The following ARGLU1 variants were observed in gnomAD, a reference collection of about 807,000 sequenced individuals.
The protein encoded by ARGLU1 is arginine and glutamate-rich protein 1.
Under a neutral mutation model 37.6 loss-of-function variants are expected in ARGLU1, and 9 were observed. That is an observed-to-expected ratio of 0.24 (90% CI 0.14 to 0.42). The LOEUF (loss-of-function observed/expected upper bound fraction) is 0.42. Among genes scored for constraint, ARGLU1 ranks in the 10% least tolerant of loss-of-function variants. The pLI, the probability that ARGLU1 is intolerant of heterozygous loss-of-function variation, is 1.00. For missense variants in ARGLU1, 211 were observed against 359.2 expected (o/e 0.59, Z 3.34); for synonymous variants, 166 against 138.5 (o/e 1.20, Z -1.39).
At chr13:106,562,302 C>T (rs151038422) in intron 1 of ARGLU1, among the ~76,000 whole-genome samples, 45 of 152,324 alleles carry the variant, frequency 3.0e-4, no homozygotes, top group Middle Eastern at 3.4e-3. Flanking sequence ...TTTATCCCCT[C>T]ACCATACACT....
Position 106,557,707 on chromosome 13 carries a change from G to A in ARGLU1, c.574-576C>T, listed in dbSNP as rs905223071. 2 of 1,499,408 alleles carry A rather than the reference G, an allele frequency of 1.3e-6. No homozygotes were observed. The highest frequency in any genetic ancestry group is 1.8e-6 in the Non-Finnish European group (2 of 1,117,534). 92.9% of individuals were successfully genotyped at this position (1,499,408 alleles called of 1,614,324 possible). A position where few individuals can be genotyped will look rare whatever the true frequency, so the allele number is the denominator to read the frequency against. On this transcript the variant is annotated intron_variant, in intron 2 of 3. Transcript: ENST00000400198. The surrounding 1 kb of genome is among the most constrained non-coding windows in gnomAD (Gnocchi z 5.0). The stretch of plus-strand genomic sequence containing the variant: ...AACAACATACAAGGAAGGCTGAGCT[G>A]AGGAATGCAGATGTTTATGGTAAGA...
chr13:106,556,453 G>A (rs1880663424), intron 3 of ARGLU1, among the ~76,000 whole-genome samples: 1 of 152,132 alleles, frequency 6.6e-6, no homozygotes, highest in South Asian at 2.1e-4. Context: ...GGGATCCACT[G>A]TTAACTACTC....
chr13:106,554,901 A>G (rs1294353050), intron 3 of ARGLU1, among the ~76,000 whole-genome samples: 1 of 152,068 alleles, frequency 6.6e-6, no homozygotes, highest in Non-Finnish European at 1.5e-5. Flanking sequence ...AAAAAAAAAA[A>G]AAATTTCTCC....
In ARGLU1 at chr13:106,545,095, T is replaced by C. The variant is rs374764268; in HGVS notation, c.658-935A>G. On this transcript the variant is annotated intron_variant, in intron 3 of 3. Coordinates refer to ENST00000400198, the MANE Select transcript of ARGLU1 (RefSeq NM_018011.4). ...TTTAATCCCTTCCCCAAGGGGACATTAGGCAATGCATGGAGATGATTCTGG... is the reference window on the plus strand; with the variant it reads ...TTTAATCCCTTCCCCAAGGGGACATCAGGCAATGCATGGAGATGATTCTGG... Among the ~76,000 whole-genome samples the C allele has an allele frequency of 1.4e-4, 21 of 152,274 alleles. 1 individual carries two copies. In the East Asian group the frequency reaches 2.7e-3, roughly 20 times the overall value.
At chr13:106,566,514 G>C (rs1594196721) in intron 1 of ARGLU1, among the ~76,000 whole-genome samples, 1 of 152,284 alleles carries the variant, frequency 6.6e-6, no homozygotes, top group South Asian at 2.1e-4. Context: ...GAGTTAGTAG[G>C]ACTGTTCAAA....
chr13:106,567,855 T>C lies in ARGLU1; in HGVS notation c.65A>G (p.Lys22Arg). 1 of 1,613,310 alleles carries C rather than the reference T, an allele frequency of 6.2e-7. No homozygotes were observed. Among genetic ancestry groups the C allele is most frequent in the Non-Finnish European group, 8.5e-7 (1 of 1,179,870 alleles). ...TCGCGACCGGGACCGGCTGCGCTTC[T>C]TGTTGTGCTTGCTGCTCTTGGTGTG... ...SKHTKSSKHN[K>R]KRSRSRSRSR... Residue 22 changes from lysine to arginine, a missense_variant, in exon 1 of 4, where the codon AAG (lysine) becomes AGG (arginine). Coordinates refer to ENST00000400198, the MANE Select transcript of ARGLU1 (RefSeq NM_018011.4). This position sits in a 1 kb window ranked among gnomAD's most constrained non-coding sequence, Gnocchi z 4.3.
intron 2 of ARGLU1, chr13:106,558,425 CA>C (rs1880712393): frequency 1.0e-6 from 1 of 985,232 alleles, no homozygotes; most frequent in Non-Finnish European, 1.2e-6. Context: ...TGAAAAATGA[CA>C]ATGAGTCTTA....
intron 3 of ARGLU1, among the ~76,000 whole-genome samples, chr13:106,551,589 T>C (rs1188581510): frequency 6.6e-6 from 1 of 152,174 alleles, no homozygotes; most frequent in Non-Finnish European, 1.5e-5. Context: ...AGGTAACATA[T>C]TACCACAAAC....
chr13:106,555,309 C>T (rs1422410899), intron 3 of ARGLU1, among the ~76,000 whole-genome samples: 4 of 152,048 alleles, frequency 2.6e-5, no homozygotes, highest in Admixed American at 2.6e-4. Context: ...TGCAATGACC[C>T]GAGACTGCGC....
rs1313400856 is a variant in ARGLU1, at chr13:106,555,691, CA to C, written c.657+1356del. Among the ~76,000 whole-genome samples, 5 of 152,132 alleles carry C rather than the reference CA, an allele frequency of 3.3e-5. No homozygotes were observed. The East Asian group carries it at 9.6e-4, about 29-fold the overall frequency. On this transcript the variant is annotated intron_variant, in intron 3 of 3. Transcript: ENST00000400198. ...TTTCCAGTGATCACACACCGAAAGT[CA>C]TATTTTTTATTTTTCATGTGGGCAA...
intron 2 of ARGLU1, chr13:106,558,726 G>A: frequency 1.0e-6 from 1 of 985,366 alleles, no homozygotes; most frequent in Non-Finnish European, 1.2e-6. Context: ...CTTGACTCCA[G>A]ACAAGGACAA....
At position 106,542,180 on chromosome 13, in the gene ARGLU1, C is replaced by G. The variant is rs1299624476; in HGVS notation, c.*1816G>C. The G allele has an allele frequency of 6.6e-6, 1 of 151,720 alleles. No homozygotes were observed. The highest frequency in any genetic ancestry group is 1.5e-5 in the Non-Finnish European group (1 of 67,908). 9.4% of individuals were successfully genotyped at this position (151,720 alleles called of 1,614,324 possible). The stretch of plus-strand genomic sequence containing the variant: ...AAGCTGATTTCAAATATTTTAAGTC[C>G]AGGCTACTCTCTTTAGATACAATGT... On this transcript the variant is annotated 3_prime_UTR_variant, in exon 4 of 4. Coordinates refer to ENST00000400198, the MANE Select transcript of ARGLU1 (RefSeq NM_018011.4).
chr13:106,556,940 T>TC, intron 3 of ARGLU1, 108 bp downstream of exon 3: 1 of 896,600 alleles, frequency 1.1e-6, no homozygotes, highest in Non-Finnish European at 1.8e-6. Flanking sequence ...GTCCTGAGAA[T>TC]CCCCCCAAAA....
At chr13:106,546,090 CT>C (rs1880382906) in intron 3 of ARGLU1, among the ~76,000 whole-genome samples, 1 of 152,114 alleles carries the variant, frequency 6.6e-6, no homozygotes, top group South Asian at 2.1e-4. Flanking sequence ...AAGTTTGTTA[CT>C]TCTTGTTTTA....
chr13:106,542,605 T>C lies in ARGLU1; in HGVS notation c.*1391A>G, dbSNP rs766935140. The C allele has an allele frequency of 5.9e-5, 9 of 152,130 alleles. No individual in the cohort carries two copies. The highest frequency in any genetic ancestry group is 1.9e-4 in the African/African-American group (8 of 41,456). The allele number at this position is 152,130 out of a possible 1,614,324, so 9.4% of individuals were successfully genotyped here. ...ACCATTTAGTCATCTCTTTAGCTTATGTTTTCAATTTTTAAGAATAATCAA... is the reference window on the plus strand; with the variant it reads ...ACCATTTAGTCATCTCTTTAGCTTACGTTTTCAATTTTTAAGAATAATCAA... On this transcript the variant is annotated 3_prime_UTR_variant, in exon 4 of 4. Coordinates refer to ENST00000400198, the MANE Select transcript of ARGLU1 (RefSeq NM_018011.4).
At chr13:106,563,602 A>C (rs965960767) in intron 1 of ARGLU1, among the ~76,000 whole-genome samples, 5 of 152,208 alleles carry the variant, frequency 3.3e-5, no homozygotes, top group African/African-American at 9.7e-5. Flanking sequence ...CCAGGAGTTC[A>C]AGATCAGCCT....
intron 3 of ARGLU1, among the ~76,000 whole-genome samples, chr13:106,550,967 G>A (rs1029295775): frequency 1.3e-5 from 2 of 152,068 alleles, no homozygotes; most frequent in Non-Finnish European, 2.9e-5. Context: ...AAACTTTGGA[G>A]GTCCCCTACA....
chr13:106,565,901 G>C (rs1473001822), intron 1 of ARGLU1, among the ~76,000 whole-genome samples: 1 of 152,132 alleles, frequency 6.6e-6, no homozygotes, highest in Non-Finnish European at 1.5e-5. Context: ...CCTGCTAAAT[G>C]CTTCTATTTA....
intron 2 of ARGLU1, chr13:106,558,445 G>C (rs1388967624): frequency 1.0e-6 from 1 of 985,340 alleles, no homozygotes; most frequent in African/African-American, 1.7e-5. Context: ...TAATTATTTT[G>C]AGTCAAATAT....
Sources: allele counts gnomAD v4.1 joint callset (sites outside exome capture counted in the v4.1 genomes callset), GRCh38; gene constraint gnomAD v4.1.1; non-coding constraint Gnocchi (gnomAD v3.1); transcripts MANE v1.5; gene names NCBI Gene and HGNC (gene_info 2026-07-23, HGNC 2026-07-21).